Variants in PALLD observed in about 807,000 individuals in gnomAD.
PALLD encodes palladin, cytoskeletal associated protein, also known as palladin.
Under a neutral mutation model 123.5 loss-of-function variants are expected in PALLD, and 61 were observed. The observed-to-expected ratio is 0.49, with a 90% CI of 0.40 to 0.61. The LOEUF (loss-of-function observed/expected upper bound fraction) is 0.61. PALLD is among the 20% of genes least tolerant of loss of function. PALLD has a pLI of 0.00. For synonymous variants in PALLD, 465 were observed against 496.4 expected (o/e 0.94, Z 0.84); for missense variants, 1,273 against 1,377.0 (o/e 0.92, Z 1.20).
chr4:168,886,171 T>TA (rs1267405946), intron 10 of PALLD, among the ~76,000 whole-genome samples: 1 of 152,214 alleles, frequency 6.6e-6, no homozygotes, highest in East Asian at 1.9e-4. Flanking sequence ...TTTTCATTTT[T>TA]ATGCATAAAA....
At chr4:168,803,210 G>A (rs1477509233) in intron 10 of PALLD, among the ~76,000 whole-genome samples, 1 of 152,102 alleles carries the variant, frequency 6.6e-6, no homozygotes, top group Non-Finnish European at 1.5e-5. Flanking sequence ...GTGGCTGGGA[G>A]GCCTCGGGAA....
chr4:168,627,697 C>T (rs1404534601), intron 2 of PALLD, among the ~76,000 whole-genome samples: 1 of 152,086 alleles, frequency 6.6e-6, no homozygotes, highest in East Asian at 1.9e-4. Context: ...AGACAAACGG[C>T]AAAATGAGAA....
chr4:168,841,936 T>C (rs538561917), intron 10 of PALLD, among the ~76,000 whole-genome samples: 2 of 152,368 alleles, frequency 1.3e-5, no homozygotes, highest in Admixed American at 6.5e-5. Flanking sequence ...TATTGGTTTA[T>C]TATGTGAAAA....
At chr4:168,785,058 CTTTTTTTTTTTTTT>C (rs746597278) in intron 10 of PALLD, among the ~76,000 whole-genome samples, 16 of 84,794 alleles carry the variant, frequency 1.9e-4, no homozygotes, top group Non-Finnish European at 1.4e-4. Flanking sequence ...CTCCCTTTTG[CTTTTTTTTTTTTTT>C]TTTTTTTTTT....
At chr4:168,502,387 T>G (rs1477108463) in intron 1 of PALLD, among the ~76,000 whole-genome samples, 3 of 152,222 alleles carry the variant, frequency 2.0e-5, no homozygotes, top group Non-Finnish European at 4.4e-5. Flanking sequence ...TCCACGTCTT[T>G]ATAGATACTT....
intron 10 of PALLD, among the ~76,000 whole-genome samples, chr4:168,815,747 G>A (rs552410121): frequency 2.0e-4 from 31 of 152,308 alleles, no homozygotes; most frequent in African/African-American, 6.7e-4. Context: ...ACGAGGGAAG[G>A]TACAGACCAT....
chr4:168,770,428 C>A (rs939969517), intron 10 of PALLD, among the ~76,000 whole-genome samples: 1 of 152,138 alleles, frequency 6.6e-6, no homozygotes, highest in Admixed American at 6.5e-5. Context: ...CCAGTGCTGC[C>A]TGCTCATTTA....
At chr4:168,516,082 A>G (rs1367245313) in intron 2 of PALLD, among the ~76,000 whole-genome samples, 1 of 152,218 alleles carries the variant, frequency 6.6e-6, no homozygotes, top group African/African-American at 2.4e-5. Context: ...GACTGAAAAT[A>G]TGTTTTCCTC....
chr4:168,675,109 C>G (rs1362535353), intron 3 of PALLD, among the ~76,000 whole-genome samples: 2 of 152,216 alleles, frequency 1.3e-5, no homozygotes, highest in Non-Finnish European at 2.9e-5. Context: ...CTGCCTCCCC[C>G]TGTGATTGTA....
rs114948324 is a variant in PALLD, at chr4:168,498,756, A to G, written c.-83+1562A>G. ...GAATATAGAAGCAAATTTGGTAAAT[A>G]GGTTTTGAATTTAAGTGAGAAGAAT... On this transcript the variant is annotated intron_variant, in intron 1 of 21. Transcript: ENST00000505667. Among the ~76,000 whole-genome samples the G allele has an allele frequency of 5.0e-3, 757 of 152,324 alleles. 10 individuals carry two copies. Among genetic ancestry groups the G allele is most frequent in the African/African-American group, 0.018 (731 of 41,572 alleles).
chr4:168,888,808 C>T (rs999133965), intron 10 of PALLD, among the ~76,000 whole-genome samples: 1 of 152,098 alleles, frequency 6.6e-6, no homozygotes, highest in East Asian at 1.9e-4. Context: ...AGGGTGAACA[C>T]TCAGCAAAAT....
intron 2 of PALLD, among the ~76,000 whole-genome samples, chr4:168,611,876 C>T (rs1464256682): frequency 6.6e-6 from 1 of 152,158 alleles, no homozygotes; most frequent in East Asian, 1.9e-4. Flanking sequence ...AGATGTCCAA[C>T]AGGCCAGGCG....
chr4:168,749,535 C>T (rs1372925748), intron 10 of PALLD, among the ~76,000 whole-genome samples: 4 of 152,068 alleles, frequency 2.6e-5, no homozygotes, highest in South Asian at 4.2e-4. Context: ...GGCAAAACCC[C>T]ATCTCTACTA....
intron 2 of PALLD, among the ~76,000 whole-genome samples, chr4:168,662,586 T>G (rs1380146447): frequency 6.6e-6 from 1 of 152,206 alleles, no homozygotes; most frequent in Non-Finnish European, 1.5e-5. Flanking sequence ...CTATACTTCA[T>G]CCTATTTTGT....
intron 10 of PALLD, among the ~76,000 whole-genome samples, chr4:168,749,403 CT>C (rs1214160954): frequency 2.7e-5 from 3 of 112,936 alleles, no homozygotes; most frequent in Admixed American, 8.8e-5. Context: ...TTCCTATCAC[CT>C]TTAAAAAAAA....
At chr4:168,915,574 T>C (rs1759921973) in intron 16 of PALLD, among the ~76,000 whole-genome samples, 1 of 152,182 alleles carries the variant, frequency 6.6e-6, no homozygotes, top group East Asian at 1.9e-4. Flanking sequence ...GATTTGGTAA[T>C]AAATGAGCAA....
At chr4:168,637,241 T>A (rs962315635) in intron 2 of PALLD, among the ~76,000 whole-genome samples, 1 of 152,016 alleles carries the variant, frequency 6.6e-6, no homozygotes, top group Non-Finnish European at 1.5e-5. Context: ...TGAAAGGGGC[T>A]TCTCCCTGAA....
In PALLD at chr4:168,812,020, A is replaced by G. The variant is rs779140852; in HGVS notation, c.1965-78902A>G. ...GCTGCTTTGGGACTTTTGTTTGACA[A>G]TATAGAAAAGGCCAAAAGTATAAAG... On this transcript the variant is annotated intron_variant, in intron 10 of 21. Transcript: ENST00000505667. Among the ~76,000 whole-genome samples the G allele has an allele frequency of 1.1e-4, 16 of 152,326 alleles. 1 individual carries two copies. Among genetic ancestry groups the G allele is most frequent in the Middle Eastern group, 3.4e-3 (1 of 294 alleles).
rs112365383 is a variant in PALLD at position 168,906,969 on chromosome 4, G to A, written c.2622+3063G>A. Among the ~76,000 whole-genome samples, 134 of 152,258 alleles carry A rather than the reference G, an allele frequency of 8.8e-4. 1 individual carries two copies. Among genetic ancestry groups the A allele is most frequent in the African/African-American group, 3.2e-3 (132 of 41,552 alleles). On this transcript the variant is annotated intron_variant, in intron 15 of 21. Coordinates refer to ENST00000505667, the MANE Select transcript of PALLD (RefSeq NM_001166108.2). ...TGATACTGAAAAAACCTAGGATGAGGCCGGCAGGCCATGCAGTACAGGGGT... is the reference window on the plus strand; with the variant it reads ...TGATACTGAAAAAACCTAGGATGAGACCGGCAGGCCATGCAGTACAGGGGT...
Sources: allele counts gnomAD v4.1 joint callset (sites outside exome capture counted in the v4.1 genomes callset), GRCh38; gene constraint gnomAD v4.1.1; transcripts MANE v1.5; gene names NCBI Gene and HGNC (gene_info 2026-07-23, HGNC 2026-07-21).